Variants in SHROOM4 observed in about 807,000 individuals in gnomAD.
SHROOM4 encodes the protein protein Shroom4.
In SHROOM4, 17 loss-of-function variants were observed where a neutral mutation model predicts 80.3. The ratio of observed to expected loss-of-function variants is 0.21; its 90% confidence interval spans 0.14 to 0.32. The LOEUF (loss-of-function observed/expected upper bound fraction) is 0.32. SHROOM4 is among the 10% of genes least tolerant of loss of function. SHROOM4 has a pLI of 1.00. For synonymous variants in SHROOM4, 400 were observed against 437.5 expected, an observed-to-expected ratio of 0.91 and a Z score of 1.07; for missense variants, 993 against 1,140.3, an observed-to-expected ratio of 0.87 and a Z score of 1.86.
At chrX:50,700,660 T>C (rs1401938158) in intron 1 of SHROOM4, among the ~76,000 whole-genome samples, 1 of 111,613 alleles carries the variant, frequency 9.0e-6, no homozygotes, top group East Asian at 2.8e-4. Context: ...GCCATGGCTT[T>C]CAATACCTAA....
At chrX:50,711,378 G>C (rs1318470053) in intron 1 of SHROOM4, among the ~76,000 whole-genome samples, 2 of 111,888 alleles carry the variant, frequency 1.8e-5, no homozygotes, top group Non-Finnish European at 3.8e-5. Flanking sequence ...AAGTTACACA[G>C]CATGGTTAAA....
rs144797698 is a variant in SHROOM4 at position 50,702,487 on chromosome X, A to G, written c.118-6550T>C. Among the ~76,000 whole-genome samples, 727 of 112,254 alleles carry G rather than the reference A, an allele frequency of 6.5e-3. 10 individuals are homozygous for G. The highest frequency in any genetic ancestry group is 0.021 in the African/African-American group (651 of 30,933). On this transcript the variant is annotated intron_variant, in intron 1 of 8. Coordinates refer to ENST00000376020, the MANE Select transcript of SHROOM4 (RefSeq NM_020717.5). ...GACATGCTATACAGCAGTCAAAAAA[A>G]AGCAATATATGTAATAAAATGAATG...
chrX:50,628,404 C>G (rs1416150352), intron 4 of SHROOM4, among the ~76,000 whole-genome samples: 1 of 111,232 alleles, frequency 9.0e-6, no homozygotes, highest in Non-Finnish European at 1.9e-5. Context: ...GTAAAACTGT[C>G]CCTGCCTTCC....
chrX:50,770,129 T>C (rs1935365538), intron 1 of SHROOM4, among the ~76,000 whole-genome samples: 2 of 110,474 alleles, frequency 1.8e-5, no homozygotes, highest in Non-Finnish European at 3.8e-5. Flanking sequence ...TCAATCACTC[T>C]TCCAGCACAG....
chrX:50,650,712 A>G (rs1049700136), intron 2 of SHROOM4, among the ~76,000 whole-genome samples: 4 of 112,087 alleles, frequency 3.6e-5, no homozygotes, highest in African/African-American at 1.3e-4. Context: ...CATATCATTT[A>G]CCCAGGCAAC....
At chrX:50,715,253 G>A (rs1211308473) in intron 1 of SHROOM4, among the ~76,000 whole-genome samples, 1 of 110,744 alleles carries the variant, frequency 9.0e-6, no homozygotes, top group Non-Finnish European at 1.9e-5. Context: ...CTCTACTCTT[G>A]TGTTCACTTA....
intron 2 of SHROOM4, among the ~76,000 whole-genome samples, chrX:50,639,053 C>A (rs1931484758): frequency 8.9e-6 from 1 of 112,686 alleles, no homozygotes; most frequent in Non-Finnish European, 1.9e-5. Flanking sequence ...AGGAGATTGG[C>A]TGCTCAGCAG....
At chrX:50,655,980 T>G (rs1335369808) in intron 2 of SHROOM4, among the ~76,000 whole-genome samples, 2 of 111,776 alleles carry the variant, frequency 1.8e-5, no homozygotes, top group African/African-American at 6.5e-5. Context: ...GTCACTGTGG[T>G]TTTGATTTGC....
At chrX:50,649,350 C>T (rs781855276) in intron 2 of SHROOM4, among the ~76,000 whole-genome samples, 16 of 111,659 alleles carry the variant, frequency 1.4e-4, no homozygotes, top group African/African-American at 2.0e-4. Context: ...AGGAGGCAGC[C>T]GAGGCTGTTG....
chrX:50,786,062 G>A (rs1002394404), intron 1 of SHROOM4, among the ~76,000 whole-genome samples: 1 of 111,477 alleles, frequency 9.0e-6, no homozygotes, highest in African/African-American at 3.3e-5. Flanking sequence ...CCTGTACGAT[G>A]AGACTACCAC....
intron 1 of SHROOM4, among the ~76,000 whole-genome samples, chrX:50,787,952 G>C (rs1392317443): frequency 9.0e-6 from 1 of 111,459 alleles, no homozygotes; most frequent in African/African-American, 3.3e-5. Context: ...TCTTTGTGTT[G>C]AAATGAAAGA....
At position 50,633,885 on chromosome X, in the gene SHROOM4, G is replaced by A. The variant is rs782365308; in HGVS notation, c.2188C>T (p.Pro730Ser). 12 of 1,211,798 alleles carry A rather than the reference G, an allele frequency of 9.9e-6. No individual in the cohort carries two copies. Among genetic ancestry groups the A allele is most frequent in the Non-Finnish European group, 1.3e-5 (12 of 895,552 alleles). Residue 730 changes from proline (P) to serine (S), a missense_variant, in exon 4 of 9, where the codon CCA becomes TCA. Pro to Ser is a moderately conservative substitution (Grantham distance 74, BLOSUM62 -1). Coordinates refer to ENST00000376020, the MANE Select transcript of SHROOM4 (RefSeq NM_020717.5). ...ACAAGTGGCTGTGAATTATGCTCTG[G>A]AGACCATCTCCAATGACCTCCACGG... ...GVRGGHWRWS[P>S]EHNSQPLVAA...
chrX:50,670,362 T>C (rs1196691699), intron 2 of SHROOM4, among the ~76,000 whole-genome samples: 25 of 109,907 alleles, frequency 2.3e-4, no homozygotes, highest in African/African-American at 7.3e-4. Context: ...ATATGGTGTT[T>C]TGTTTTCTGT....
rs1288147952 is a variant in SHROOM4, at chrX:50,593,054, C to A, written c.*3641G>T. The A allele has an allele frequency of 9.0e-6, 1 of 111,705 alleles. No homozygotes were observed. Among genetic ancestry groups the A allele is most frequent in the East Asian group, 2.8e-4 (1 of 3,537 alleles). 9.2% of individuals were successfully genotyped at this position (111,705 alleles called of 1,213,427 possible). A position where few individuals can be genotyped will look rare whatever the true frequency, so the allele number is the denominator to read the frequency against. ...ATAACCAATGGCTTAAACTCTGTAC[C>A]CCCTACTCAGGATGGTCTTGAAATA... is the stretch of plus-strand genomic sequence containing the variant. On this transcript the variant is annotated 3_prime_UTR_variant, in exon 9 of 9. Transcript: ENST00000376020.
At chrX:50,733,864 T>G (rs1340126981) in intron 1 of SHROOM4, among the ~76,000 whole-genome samples, 1 of 111,815 alleles carries the variant, frequency 8.9e-6, no homozygotes, top group Non-Finnish European at 1.9e-5. Flanking sequence ...ATCTTATATA[T>G]AGAAAATCCT....
intron 1 of SHROOM4, among the ~76,000 whole-genome samples, chrX:50,738,795 C>A (rs1407063214): frequency 1.8e-5 from 2 of 111,576 alleles, no homozygotes; most frequent in Non-Finnish European, 3.8e-5. Context: ...CATCAAGCTA[C>A]CATTGACTTT....
chrX:50,627,793 C>G (rs964849967), intron 4 of SHROOM4, 118 bp from the exon 5 acceptor site: 27 of 587,343 alleles, frequency 4.6e-5, no homozygotes, highest in Non-Finnish European at 7.7e-5. Context: ...CTTGTTTCTT[C>G]TACTCTGCTA....
intron 2 of SHROOM4, among the ~76,000 whole-genome samples, chrX:50,651,778 A>G (rs1362712501): frequency 1.2e-5 from 1 of 81,425 alleles, no homozygotes. Flanking sequence ...TTCCCCTCCC[A>G]GTGTCCATGT....
intron 2 of SHROOM4, among the ~76,000 whole-genome samples, chrX:50,673,361 T>C (rs782617041): frequency 9.0e-6 from 1 of 111,467 alleles, no homozygotes; most frequent in South Asian, 3.8e-4. Context: ...ACATGATGTA[T>C]ATCTAATACC....
Sources: allele counts gnomAD v4.1 joint callset (sites outside exome capture counted in the v4.1 genomes callset), GRCh38; gene constraint gnomAD v4.1.1; transcripts MANE v1.5; gene names NCBI Gene and HGNC (gene_info 2026-07-23, HGNC 2026-07-21).